ATP2B1: variants seen among roughly 807,000 people sequenced by gnomAD.
ATP2B1 encodes plasma membrane calcium-transporting ATPase 1.
In ATP2B1, 14 loss-of-function variants were observed where a neutral mutation model predicts 124.2. The observed-to-expected ratio is 0.11, with a 90% CI of 0.07 to 0.18. The LOEUF (loss-of-function observed/expected upper bound fraction) is 0.18, where lower values mean the gene tolerates loss of function less well. ATP2B1 is among the 10% of genes least tolerant of loss of function. ATP2B1 has a pLI of 1.00. For missense variants in ATP2B1, 763 were observed against 1,466.1 expected (o/e 0.52, Z 7.83); for synonymous variants, 449 against 492.4 (o/e 0.91, Z 1.17).
At chr12:89,630,764 TAAA>T in intron 5 of ATP2B1, 119 bp from the exon 6 acceptor site, 1 of 292,450 alleles carries the variant, frequency 3.4e-6, no homozygotes, top group Non-Finnish European at 6.0e-6. Flanking sequence ...AAAATATATA[TAAA>T]TATAAATATA....
At chr12:89,698,658 T>G (rs537383257) in intron 1 of ATP2B1, among the ~76,000 whole-genome samples, 1 of 149,756 alleles carries the variant, frequency 6.7e-6, no homozygotes, top group African/African-American at 2.4e-5. Context: ...CAAATTTGTT[T>G]ATGAGAAAAA....
At chr12:89,708,281 C>CTT (rs1179686077) in intron 1 of ATP2B1, among the ~76,000 whole-genome samples, 4 of 152,152 alleles carry the variant, frequency 2.6e-5, no homozygotes, top group African/African-American at 9.6e-5. Context: ...CTTCGTGAAG[C>CTT]CGAAGACCTG....
intron 11 of ATP2B1, among the ~76,000 whole-genome samples, chr12:89,618,049 T>C (rs1174065232): frequency 1.3e-5 from 2 of 152,194 alleles, no homozygotes; most frequent in African/African-American, 4.8e-5. Context: ...GCTACAGCTA[T>C]TGTAATAGCA....
At chr12:89,627,800 T>C in intron 6 of ATP2B1, 84 bp from the exon 7 acceptor site, 1 of 1,406,400 alleles carries the variant, frequency 7.1e-7, no homozygotes, top group Non-Finnish European at 1.0e-6. Flanking sequence ...TTCACATTTC[T>C]ATAACAGTTG....
In ATP2B1 at chr12:89,588,471, A is replaced by G. The variant is rs1873009574; in HGVS notation, c.*2513T>C. On this transcript the variant is annotated 3_prime_UTR_variant, in exon 21 of 21. Coordinates refer to ENST00000428670, the MANE Select transcript of ATP2B1 (RefSeq NM_001366521.1). ...TGCAAAATTAAACAATTTTTTGGTT[A>G]GAGGATAAAAGAGAAAAAGTGATTG... The G allele has an allele frequency of 6.6e-6, 1 of 152,590 alleles. No homozygotes were observed. Among genetic ancestry groups the G allele is most frequent in the Non-Finnish European group, 1.5e-5 (1 of 68,010 alleles). 9.5% of individuals were successfully genotyped at this position (152,590 alleles called of 1,614,324 possible). A position where few individuals can be genotyped will look rare whatever the true frequency, so the allele number is the denominator to read the frequency against.
chr12:89,655,742 T>C lies in ATP2B1; in HGVS notation c.145A>G (p.Ile49Val). The change falls in exon 2 of 21, where the codon ATA becomes GTA. Residue 49 changes from isoleucine to valine, a missense_variant. This residue lies in a region of ATP2B1 where 93 missense variants were observed against 112.7 expected (regional missense o/e 0.83). Transcript: ENST00000428670. ...TAGACATCTCCATAGCTTTCCTGTA[T>C]TTTTCGTAATGCATCTGTGGACCTG... is the stretch of plus-strand genomic sequence containing the variant. The part of the protein sequence containing the change: ...ELRSTDALRK[I>V]QESYGDVYGI... 1.2e-6 allele frequency: 2 copies of C among 1,614,178 alleles called. No individual in the cohort carries two copies.
In ATP2B1 at chr12:89,677,969, TATACAC is replaced by T. The variant is rs1282602618; in HGVS notation, c.-221-21868_-221-21863del. Among the ~76,000 whole-genome samples the T allele has an allele frequency of 1.6e-3, 96 of 59,520 alleles. 1 individual carries two copies. The highest frequency in any genetic ancestry group is 2.5e-3 in the African/African-American group (42 of 17,058). The allele number at this position is 59,520 out of a possible 152,430, so 39.0% of individuals were successfully genotyped here. On this transcript the variant is annotated intron_variant, in intron 1 of 20. Transcript: ENST00000428670. ...CATGCAGGAATTATATATATATATATATACACACACACACACACACACACACACACA... is the reference window on the plus strand; with the variant it reads ...CATGCAGGAATTATATATATATATATACACACACACACACACACACACACA...
chr12:89,636,258 T>C (rs574631132), intron 3 of ATP2B1, among the ~76,000 whole-genome samples: 4 of 152,150 alleles, frequency 2.6e-5, no homozygotes, highest in Non-Finnish European at 4.4e-5. Flanking sequence ...CAAAACTCTA[T>C]AGTCAATAAT....
At chr12:89,599,412 A>G in intron 19 of ATP2B1, 113 bp from the exon 20 acceptor site, 2 of 1,091,684 alleles carry the variant, frequency 1.8e-6, no homozygotes, top group South Asian at 1.7e-5. Context: ...ATCTTTACCA[A>G]TGAAGTAATG....
At chr12:89,654,386 A>G (rs981966183) in intron 2 of ATP2B1, among the ~76,000 whole-genome samples, 2 of 152,230 alleles carry the variant, frequency 1.3e-5, no homozygotes. Flanking sequence ...AACTACATCA[A>G]AATGGTGTAG....
chr12:89,707,163 C>CCCTG (rs1892560756), intron 1 of ATP2B1, among the ~76,000 whole-genome samples: 1 of 152,094 alleles, frequency 6.6e-6, no homozygotes, highest in Admixed American at 6.5e-5. Context: ...CCCAATCCAC[C>CCCTG]CCTGCCACAC....
intron 1 of ATP2B1, among the ~76,000 whole-genome samples, chr12:89,708,156 G>A (rs1339475950): frequency 1.3e-5 from 2 of 152,148 alleles, no homozygotes; most frequent in Admixed American, 6.5e-5. Flanking sequence ...GGATTAGAGG[G>A]GTGACCCTCC....
At chr12:89,704,572 T>C (rs1892227990) in intron 1 of ATP2B1, among the ~76,000 whole-genome samples, 1 of 152,048 alleles carries the variant, frequency 6.6e-6, no homozygotes, top group African/African-American at 2.4e-5. Context: ...CTGCTAGCTA[T>C]ATGACCTTAG....
chr12:89,706,315 A>C (rs1892448743), intron 1 of ATP2B1, among the ~76,000 whole-genome samples: 1 of 152,126 alleles, frequency 6.6e-6, no homozygotes, highest in Non-Finnish European at 1.5e-5. Context: ...GGAAGACAAC[A>C]AAAAAGAATT....
chr12:89,649,074 G>T (rs944823385), intron 2 of ATP2B1, among the ~76,000 whole-genome samples: 4 of 152,258 alleles, frequency 2.6e-5, no homozygotes, highest in Admixed American at 6.5e-5. Context: ...GCCCGCCTAG[G>T]GGCAGAGCCC....
In ATP2B1 at chr12:89,655,855, T is replaced by C; in HGVS notation, c.32A>G (p.Tyr11Cys). Residue 11 changes from tyrosine to cysteine, a missense_variant, in exon 2 of 21, where the codon TAC becomes TGC. By Grantham distance (194) the Tyr-to-Cys change is radical. Around this residue, in one of 7 missense-constraint regions of ATP2B1, gnomAD observed 93 missense variants for 112.7 expected, o/e 0.83. Transcript: ENST00000428670. ...CTTCAAAGAGTTTTTCACACCACTG[T>C]AAGCAACTGAGTTGTTTGCCATGTC... MGDMANNSVA[Y>C]SGVKNSLKEA... The C allele has an allele frequency of 4.3e-6, 7 of 1,609,812 alleles. No homozygotes were observed. The highest frequency in any genetic ancestry group is 5.1e-6 in the Non-Finnish European group (6 of 1,176,848).
At chr12:89,622,060 C>T (rs577965112) in intron 9 of ATP2B1, among the ~76,000 whole-genome samples, 5 of 152,026 alleles carry the variant, frequency 3.3e-5, no homozygotes, top group African/African-American at 9.6e-5. Context: ...CAGGTACCTA[C>T]ATCCGTACAC....
At chr12:89,599,880 G>C (rs769519767) in intron 19 of ATP2B1, among the ~76,000 whole-genome samples, 2 of 152,104 alleles carry the variant, frequency 1.3e-5, no homozygotes, top group African/African-American at 2.4e-5. Context: ...ACCAATACAC[G>C]TATATTAGCT....
rs1892821572 is a variant in ATP2B1 at position 89,708,637 on chromosome 12, G to A, written c.-263C>T. ...AACCATTTTCCGAGGGGGAAGGAAA[G>A]GCAGGCTGCGGGAGGGTCGCGGGGC... On this transcript the variant is annotated 5_prime_UTR_variant, in exon 1 of 21. Coordinates refer to ENST00000428670, the MANE Select transcript of ATP2B1 (RefSeq NM_001366521.1). The A allele has an allele frequency of 6.6e-6, 1 of 151,898 alleles. No homozygotes were observed. The highest frequency in any genetic ancestry group is 1.5e-5 in the Non-Finnish European group (1 of 67,976). 9.4% of individuals were successfully genotyped at this position (151,898 alleles called of 1,614,324 possible).
Sources: gnomAD v4.1 joint callset for allele counts (sites outside exome capture counted in the v4.1 genomes callset) on GRCh38, gnomAD v4.1.1 for gene constraint, gnomAD v4.1.1 regional missense constraint, MANE v1.5 for transcripts, NCBI Gene and HGNC (gene_info 2026-07-23, HGNC 2026-07-21) for gene names.